SLC35D2: variants seen among roughly 807,000 people sequenced by gnomAD.
SLC35D2 encodes solute carrier family 35 member D2, also known as nucleotide sugar transporter SLC35D2.
Under a neutral mutation model 41.8 loss-of-function variants are expected in SLC35D2, and 43 were observed. The ratio of observed to expected loss-of-function variants is 1.03; its 90% CI spans 0.81 to 1.33. The LOEUF is 1.33. Ranked by LOEUF, SLC35D2 falls within the 40% of genes most tolerant of loss-of-function variation. The probability of loss-of-function intolerance (pLI) is 0.00; values close to 1 mark genes in which losing one functional copy is unlikely to be tolerated. For missense variants in SLC35D2, 380 were observed against 408.4 expected, an observed-to-expected ratio of 0.93 and a Z score of 0.60; for synonymous variants, 150 against 163.9, an observed-to-expected ratio of 0.92 and a Z score of 0.65.
chr9:96,318,035 C>CAAA (rs10700687), downstream of SLC35D2, among the ~76,000 whole-genome samples: 65,990 of 140,108 alleles, frequency 0.47, 15,458 homozygotes, highest in Admixed American at 0.53. Context: ...GACGTTGTCT[C>CAAA]AAAAAAAAAA....
exon 12 of SLC35D2, among the ~76,000 whole-genome samples, chr9:96,313,595 G>A (rs751429383): frequency 1.3e-5 from 2 of 152,166 alleles, no homozygotes; most frequent in Non-Finnish European, 2.9e-5. Flanking sequence ...GCCCCCATCT[G>A]AAATCACATT....
At chr9:96,375,986 C>T (rs113384388) in intron 1 of SLC35D2, among the ~76,000 whole-genome samples, 2,402 of 151,982 alleles carry the variant, frequency 0.016, 67 homozygotes, top group African/African-American at 0.054. Flanking sequence ...TATGGTGAAA[C>T]CCCATCTCTA....
In SLC35D2 at chr9:96,351,169, T is replaced by C. The variant is rs754209521; in HGVS notation, c.422A>G (p.Lys141Arg). Residue 141 changes from lysine (K) to arginine (R), a missense_variant and splice_region_variant, in exon 6 of 12, where the codon AAG (lysine) becomes AGG (arginine). By Grantham distance (26) the Lys-to-Arg change is conservative. Transcript: ENST00000253270. ...TLLLETIILG[K>R]QYSLNIILSV... ...GAGGATGATGTTGAGTGAATACTGC[T>C]TCCTGTAATAAATACACAAATAAGA... The C allele has an allele frequency of 1.3e-6, 2 of 1,598,884 alleles. No individual in the cohort carries two copies. The highest frequency in any genetic ancestry group is 2.7e-5 in the African/African-American group (2 of 74,572).
chr9:96,329,702 CAAT>C (rs34601012), intron 9 of SLC35D2, among the ~76,000 whole-genome samples: 20,237 of 152,146 alleles, frequency 0.13, 1,783 homozygotes, highest in East Asian at 0.28. Flanking sequence ...TTTGCGGCAC[CAAT>C]AATAACTAGC....
At chr9:96,317,706 T>C (rs976040006), downstream of SLC35D2, among the ~76,000 whole-genome samples, 8 of 152,150 alleles carry the variant, frequency 5.3e-5, no homozygotes, top group African/African-American at 1.9e-4. Flanking sequence ...AAAAAGTATG[T>C]TGATGCAACA....
chr9:96,377,683 G>A (rs1831014775), intron 1 of SLC35D2, among the ~76,000 whole-genome samples: 1 of 152,228 alleles, frequency 6.6e-6, no homozygotes, highest in African/African-American at 2.4e-5. Context: ...GTCATGGGAA[G>A]CAAGGTTCAG....
chr9:96,331,603 T>C (rs10820380), intron 9 of SLC35D2, among the ~76,000 whole-genome samples: 49,084 of 151,734 alleles, frequency 0.32, 8,116 homozygotes, highest in African/African-American at 0.37. Flanking sequence ...CCTACTGTGA[T>C]TTGTGTTTCT....
At chr9:96,327,589 T>G (rs35907550) in intron 9 of SLC35D2, among the ~76,000 whole-genome samples, 4 of 151,978 alleles carry the variant, frequency 2.6e-5, no homozygotes, top group African/African-American at 7.2e-5. Context: ...GGCGGCTAGA[T>G]AGAAGGGCTG....
chr9:96,339,214 G>T (rs1231770143), intron 8 of SLC35D2, among the ~76,000 whole-genome samples: 3 of 152,016 alleles, frequency 2.0e-5, no homozygotes, highest in African/African-American at 7.3e-5. Context: ...GGGTTCAAGC[G>T]ATTCTCCTGC....
At chr9:96,377,763 G>A (rs536128910) in intron 1 of SLC35D2, among the ~76,000 whole-genome samples, 1 of 152,312 alleles carries the variant, frequency 6.6e-6, no homozygotes, top group African/African-American at 2.4e-5. Context: ...CAGGAAGGGT[G>A]ACCTGAGCTA....
chr9:96,378,288 C>A (rs1225452854), intron 1 of SLC35D2, among the ~76,000 whole-genome samples: 1 of 151,252 alleles, frequency 6.6e-6, no homozygotes, highest in African/African-American at 2.4e-5. Flanking sequence ...AAAAAAACAG[C>A]TGGGCACGAT....
chr9:96,345,676 A>C (rs10990657), intron 6 of SLC35D2, among the ~76,000 whole-genome samples: 1 of 152,154 alleles, frequency 6.6e-6, no homozygotes, highest in Non-Finnish European at 1.5e-5. Flanking sequence ...TAGCTGATGA[A>C]TCCACATAAT....
In SLC35D2 at chr9:96,352,108, G is replaced by C; in HGVS notation, c.349C>G (p.Leu117Val). ...SGLSSTSKLSLPMFTVLRKFT... is the reference protein window; with the variant it reads ...SGLSSTSKLSVPMFTVLRKFT... ...TTCCTGAGCACGGTGAACATCGGTA[G>C]GCTGCCAGGAAAAGAGTGAAGCATG... The change falls in exon 5 of 12, where the codon CTA (leucine) becomes GTA (valine). Residue 117 changes from leucine (L) to valine (V), a missense_variant and splice_region_variant. Physicochemically the swap from Leu to Val is conservative, Grantham distance 32 (BLOSUM62 1). Transcript: ENST00000253270. The C allele has an allele frequency of 6.2e-7, 1 of 1,609,760 alleles. No individual in the cohort carries two copies. Among genetic ancestry groups the C allele is most frequent in the South Asian group, 1.1e-5 (1 of 90,568 alleles).
chr9:96,382,496 C>CACTCTATATATATATATATATATATATA (rs200897475), intron 1 of SLC35D2, among the ~76,000 whole-genome samples: 2 of 127,914 alleles, frequency 1.6e-5, no homozygotes, highest in African/African-American at 2.9e-5. Flanking sequence ...CACACACACA[C>CACTCTATATATATATATATATATATATA]TATATATATA....
downstream of SLC35D2, among the ~76,000 whole-genome samples, chr9:96,317,741 T>C (rs999077305): frequency 1.3e-5 from 2 of 151,910 alleles, no homozygotes; most frequent in African/African-American, 4.8e-5. Context: ...AAAGTTTGGA[T>C]GGCCAGGTAC....
In SLC35D2 at chr9:96,340,329, T is replaced by C. The variant is rs183462619; in HGVS notation, c.685-3545A>G. 5.3e-5 allele frequency among the ~76,000 whole-genome samples: 8 copies of C among 152,174 alleles called. No individual in the cohort carries two copies. The East Asian group carries it at 1.5e-3, about 29-fold the overall frequency. Reference sequence around the variant, plus strand: ...GTCATACAATACTTTTAAAAACTAGTCAAACTTGGCTGGGCGCAGTGGCTC... The same window carrying C: ...GTCATACAATACTTTTAAAAACTAGCCAAACTTGGCTGGGCGCAGTGGCTC... On this transcript the variant is annotated intron_variant, in intron 8 of 11. Transcript: ENST00000253270.
intron 1 of SLC35D2, among the ~76,000 whole-genome samples, chr9:96,372,203 T>C (rs1305063845): frequency 6.6e-6 from 1 of 152,182 alleles, no homozygotes; most frequent in African/African-American, 2.4e-5. Flanking sequence ...ATAAAGTCTT[T>C]AGATCTAACT....
chr9:96,379,531 A>C (rs1831102708), intron 1 of SLC35D2, among the ~76,000 whole-genome samples: 1 of 152,202 alleles, frequency 6.6e-6, no homozygotes, highest in Admixed American at 6.5e-5. Context: ...TGAAAGAGGA[A>C]AAAGTATCCC....
At chr9:96,331,587 A>G (rs10739867) in intron 9 of SLC35D2, among the ~76,000 whole-genome samples, 48,029 of 151,634 alleles carry the variant, frequency 0.32, 7,739 homozygotes, top group Admixed American at 0.36. Context: ...AGCACAGGCC[A>G]CAGATCCTAC....
Sources: gnomAD v4.1 joint callset for allele counts (sites outside exome capture counted in the v4.1 genomes callset) on GRCh38, gnomAD v4.1.1 for gene constraint, MANE v1.5 for transcripts, NCBI Gene and HGNC (gene_info 2026-07-23, HGNC 2026-07-21) for gene names.